Variants in PRKG1 observed in about 807,000 individuals in gnomAD.
PRKG1 encodes cGMP-dependent protein kinase 1.
Under a neutral mutation model 88.1 loss-of-function variants are expected in PRKG1, and 35 were observed. The observed-to-expected ratio is 0.40, with a 90% CI of 0.30 to 0.53. The LOEUF is 0.53. PRKG1 is among the 20% of genes least tolerant of loss of function. The probability of loss-of-function intolerance (pLI) is 0.59; values close to 1 mark genes in which losing one functional copy is unlikely to be tolerated. For synonymous variants in PRKG1, 303 were observed against 292.5 expected, an observed-to-expected ratio of 1.04 and a Z score of -0.37; for missense variants, 540 against 839.8, an observed-to-expected ratio of 0.64 and a Z score of 4.41.
intron 2 of PRKG1, among the ~76,000 whole-genome samples, chr10:51,229,832 T>C (rs536336319): frequency 6.7e-6 from 1 of 148,830 alleles, no homozygotes; most frequent in African/African-American, 2.5e-5. Context: ...GAAGCTGAGG[T>C]TGGAGGATTG....
intron 3 of PRKG1, among the ~76,000 whole-genome samples, chr10:51,569,892 A>G (rs1362963979): frequency 6.6e-6 from 1 of 151,828 alleles, no homozygotes; most frequent in African/African-American, 2.4e-5. Flanking sequence ...ACCAGCTAGT[A>G]TGGTGTATTT....
chr10:51,718,555 T>G (rs1267014467), intron 3 of PRKG1, among the ~76,000 whole-genome samples: 1 of 152,200 alleles, frequency 6.6e-6, no homozygotes, highest in Admixed American at 6.5e-5. Context: ...CACATAGAAT[T>G]TCTATCTTTG....
At chr10:51,425,796 T>A (rs1227746903) in intron 2 of PRKG1, among the ~76,000 whole-genome samples, 1 of 152,116 alleles carries the variant, frequency 6.6e-6, no homozygotes, top group Non-Finnish European at 1.5e-5. Context: ...GGATTTGAGG[T>A]TTTAGAGGAA....
chr10:50,991,739 G>T lies in PRKG1; in HGVS notation c.266+95G>T. The T allele has an allele frequency of 1.0e-6, 1 of 972,434 alleles. No homozygotes were observed. The highest frequency in any genetic ancestry group is 1.3e-6 in the Non-Finnish European group (1 of 798,192). The allele number at this position is 972,434 out of a possible 1,614,324, so 60.2% of individuals were successfully genotyped here. A position where few individuals can be genotyped will look rare whatever the true frequency, so the allele number is the denominator to read the frequency against. ...CGGCGGCGGGGGCGGGTCGGCCCAG[G>T]GCGCCCCCTGCTCGCTGCGGCGCGC... On this transcript the variant is annotated intron_variant, in intron 1 of 17. Coordinates refer to the PRKG1 transcript ENST00000401604. This position sits in a 1 kb window ranked among gnomAD's most constrained non-coding sequence, Gnocchi z 4.5.
At chr10:52,003,794 T>C (rs1340135239) in intron 5 of PRKG1, among the ~76,000 whole-genome samples, 1 of 152,192 alleles carries the variant, frequency 6.6e-6, no homozygotes, top group Non-Finnish European at 1.5e-5. Flanking sequence ...TCAATCCTGG[T>C]TTTCCTCTCA....
intron 4 of PRKG1, among the ~76,000 whole-genome samples, chr10:51,879,150 A>G (rs1841375475): frequency 6.6e-6 from 1 of 152,224 alleles, no homozygotes; most frequent in Non-Finnish European, 1.5e-5. Context: ...TTTTGGCTGT[A>G]ATCATCCTTA....
intron 3 of PRKG1, among the ~76,000 whole-genome samples, chr10:51,620,654 C>T (rs1839181863): frequency 6.6e-6 from 1 of 152,016 alleles, no homozygotes; most frequent in African/African-American, 2.4e-5. Context: ...ATTGTTTCTA[C>T]TTATTAATTA....
intron 9 of PRKG1, among the ~76,000 whole-genome samples, chr10:52,224,601 G>C (rs1441617307): frequency 1.3e-5 from 1 of 74,190 alleles, no homozygotes; most frequent in Admixed American, 1.7e-4. Flanking sequence ...CCCCACCTCC[G>C]ACTCTTCCCC....
chr10:51,097,517 C>T (rs1202961296), intron 1 of PRKG1, among the ~76,000 whole-genome samples: 1 of 152,148 alleles, frequency 6.6e-6, no homozygotes, highest in African/African-American at 2.4e-5. Flanking sequence ...AGTCACCACA[C>T]TCTGCCTTTT....
chr10:51,136,050 TG>T (rs1346519173), intron 1 of PRKG1, among the ~76,000 whole-genome samples: 1 of 151,718 alleles, frequency 6.6e-6, no homozygotes, highest in Non-Finnish European at 1.5e-5. Context: ...CACACCAGCA[TG>T]ACACATGTAT....
intron 4 of PRKG1, among the ~76,000 whole-genome samples, chr10:51,879,588 A>G (rs978596757): frequency 6.6e-6 from 1 of 152,220 alleles, no homozygotes. Context: ...CATCTCTCTC[A>G]GTGTGAGCAA....
intron 9 of PRKG1, among the ~76,000 whole-genome samples, chr10:52,224,561 C>CGT (rs1840332993): frequency 1.6e-5 from 2 of 124,672 alleles, no homozygotes. Flanking sequence ...AAGCAGTATA[C>CGT]ACTTCACCAT....
chr10:51,233,921 C>G (rs1838913348), intron 2 of PRKG1, among the ~76,000 whole-genome samples: 2 of 152,198 alleles, frequency 1.3e-5, no homozygotes, highest in South Asian at 4.2e-4. Flanking sequence ...TCTTATGAAT[C>G]AGATTATTTT....
intron 2 of PRKG1, among the ~76,000 whole-genome samples, chr10:51,240,278 C>A (rs1839117450): frequency 6.6e-6 from 1 of 152,164 alleles, no homozygotes; most frequent in Non-Finnish European, 1.5e-5. Context: ...CCCAACATAT[C>A]CAAATTGAAT....
intron 3 of PRKG1, among the ~76,000 whole-genome samples, chr10:51,673,657 T>C (rs1011942560): frequency 1.3e-5 from 2 of 152,232 alleles, no homozygotes; most frequent in East Asian, 3.8e-4. Flanking sequence ...TTTTAAAGAA[T>C]ATCTTATTTA....
chr10:51,007,449 G>A (rs1453660878), intron 1 of PRKG1, among the ~76,000 whole-genome samples: 1 of 152,108 alleles, frequency 6.6e-6, no homozygotes, highest in Non-Finnish European at 1.5e-5. Flanking sequence ...AAATTAACAG[G>A]GATTACATTG....
chr10:52,083,209 C>T (rs148684256), intron 7 of PRKG1, among the ~76,000 whole-genome samples: 201 of 151,950 alleles, frequency 1.3e-3, no homozygotes, highest in African/African-American at 4.5e-3. Flanking sequence ...TGATGTTTTT[C>T]GTAAATTGAA....
At chr10:52,007,933 G>T (rs7905155) in intron 5 of PRKG1, among the ~76,000 whole-genome samples, 44 of 151,766 alleles carry the variant, frequency 2.9e-4, no homozygotes, top group African/African-American at 8.2e-4. Context: ...ACACAGTCTT[G>T]GGCTACAGTG....
chr10:51,174,274 A>G (rs890321913), intron 2 of PRKG1, among the ~76,000 whole-genome samples: 5 of 152,124 alleles, frequency 3.3e-5, no homozygotes, highest in African/African-American at 1.2e-4. Context: ...CTGTAAAATA[A>G]TTAATAAATA....
Sources: allele counts gnomAD v4.1 joint callset (sites outside exome capture counted in the v4.1 genomes callset), GRCh38; gene constraint gnomAD v4.1.1; non-coding constraint Gnocchi (gnomAD v3.1); transcripts MANE v1.5; gene names NCBI Gene and HGNC (gene_info 2026-07-23, HGNC 2026-07-21).